The following SMIM13 variants were observed in gnomAD, a reference collection of about 807,000 sequenced individuals.
SMIM13 encodes UPF0766 protein C6orf228.
In SMIM13, 3 loss-of-function variants were observed where a neutral mutation model predicts 5.9. That is an observed-to-expected ratio of 0.51 (90% confidence interval 0.23 to 1.31). The LOEUF is 1.31. Ranked by LOEUF, SMIM13 falls within the 40% of genes most tolerant of loss-of-function variation. The pLI, the probability that SMIM13 is intolerant of heterozygous loss-of-function variation, is 0.18. For synonymous variants in SMIM13, 55 were observed against 46.0 expected (o/e 1.19, Z -0.79); for missense variants, 85 against 109.9 (o/e 0.77, Z 1.01).
rs572516125 is a variant in SMIM13 at position 11,129,533 on chromosome 6, T to C, written c.77-4870T>C. On this transcript the variant is annotated intron_variant, in intron 1 of 1. Coordinates refer to ENST00000416247, the MANE Select transcript of SMIM13 (RefSeq NM_001135575.2). ...CTTGAATATACTGATTTCCTTTCTTTTGGATGTATAAACCAACAGTAGAAC... is the reference window on the plus strand; with the variant it reads ...CTTGAATATACTGATTTCCTTTCTTCTGGATGTATAAACCAACAGTAGAAC... 5.9e-5 allele frequency among the ~76,000 whole-genome samples: 9 copies of C among 152,330 alleles called. 1 individual carries two copies. The South Asian group carries it at 1.2e-3, about 21-fold the overall frequency.
chr6:11,131,431 AGAT>A (rs1249872569), intron 1 of SMIM13, among the ~76,000 whole-genome samples: 3 of 151,914 alleles, frequency 2.0e-5, no homozygotes, highest in Non-Finnish European at 4.4e-5. Flanking sequence ...GAAATCGATA[AGAT>A]GATTCTAAAA....
chr6:11,106,741 C>G (rs1308589308), intron 1 of SMIM13, among the ~76,000 whole-genome samples: 3 of 152,200 alleles, frequency 2.0e-5, no homozygotes, highest in Non-Finnish European at 4.4e-5. Flanking sequence ...GTTAGCTAAC[C>G]TATTTCCCTA....
intron 1 of SMIM13, chr6:11,105,138 T>A: frequency 1.9e-6 from 3 of 1,614,236 alleles, no homozygotes; most frequent in Non-Finnish European, 2.5e-6. Context: ...CGAGGCTGGA[T>A]AAGCTGTCCC....
rs755618860 is a variant in SMIM13 at position 11,135,812 on chromosome 6, T to C, written c.*1210T>C. 2.6e-5 allele frequency: 4 copies of C among 152,270 alleles called. No individual in the cohort carries two copies. Among genetic ancestry groups the C allele is most frequent in the Admixed American group, 6.5e-5 (1 of 15,290 alleles). The allele number at this position is 152,270 out of a possible 1,614,324, so 9.4% of individuals were successfully genotyped here. Reference sequence around the variant, plus strand: ...CAATAAATATAAACATTTTCTGTGATATGAAAGCATTGTGTCATAGTTTAA... The same window carrying C: ...CAATAAATATAAACATTTTCTGTGACATGAAAGCATTGTGTCATAGTTTAA... On this transcript the variant is annotated 3_prime_UTR_variant, in exon 2 of 2. Transcript: ENST00000416247.
intron 1 of SMIM13, among the ~76,000 whole-genome samples, chr6:11,125,914 G>A (rs898654905): frequency 6.6e-6 from 1 of 152,004 alleles, no homozygotes; most frequent in Admixed American, 6.6e-5. Flanking sequence ...AATAAACTTT[G>A]TACCCTAATC....
At chr6:11,130,641 A>G (rs1329632131) in intron 1 of SMIM13, among the ~76,000 whole-genome samples, 1 of 152,090 alleles carries the variant, frequency 6.6e-6, no homozygotes, top group East Asian at 1.9e-4. Flanking sequence ...AATCCCTTAC[A>G]TTGGCTGCTG....
chr6:11,131,780 A>T (rs531073014), intron 1 of SMIM13, among the ~76,000 whole-genome samples: 1 of 152,294 alleles, frequency 6.6e-6, no homozygotes, highest in African/African-American at 2.4e-5. Context: ...ACAAAACTGG[A>T]TTGAAGACTT....
At position 11,093,914 on chromosome 6, in the gene SMIM13, G is replaced by A. The variant is rs1012553974; in HGVS notation, c.-400G>A. 2.0e-5 allele frequency: 3 copies of A among 152,438 alleles called. No individual in the cohort carries two copies. In the East Asian group the frequency reaches 5.8e-4, roughly 29 times the overall value. 9.4% of individuals were successfully genotyped at this position (152,438 alleles called of 1,614,324 possible). On this transcript the variant is annotated 5_prime_UTR_variant, in exon 1 of 2. Transcript: ENST00000416247. ...CTCAGAGACACGGGTGGACAGCGAC[G>A]AGGGCCTTGTGGCCGCCGTGTGTAC...
At chr6:11,100,009 C>T (rs1757970571) in intron 1 of SMIM13, among the ~76,000 whole-genome samples, 3 of 151,904 alleles carry the variant, frequency 2.0e-5, no homozygotes, top group Admixed American at 2.0e-4. Context: ...TACATAATTG[C>T]CTTTTTAGCT....
chr6:11,115,445 C>T (rs1274928590), intron 1 of SMIM13, among the ~76,000 whole-genome samples: 1 of 152,164 alleles, frequency 6.6e-6, no homozygotes, highest in African/African-American at 2.4e-5. Flanking sequence ...AGGTGGCTCA[C>T]CTCTTCATGC....
At chr6:11,095,666 A>C (rs1757914381) in intron 1 of SMIM13, among the ~76,000 whole-genome samples, 1 of 152,198 alleles carries the variant, frequency 6.6e-6, no homozygotes, top group Non-Finnish European at 1.5e-5. Context: ...ATGTATGTTT[A>C]AAATTTGTTG....
At chr6:11,134,239 A>G (rs1401795277) in intron 1 of SMIM13, among the ~76,000 whole-genome samples, 164 bp from the exon 2 acceptor site, 1 of 152,178 alleles carries the variant, frequency 6.6e-6, no homozygotes, top group East Asian at 1.9e-4. Context: ...CCCAGAGTTT[A>G]TCCTCATTCC....
At chr6:11,120,056 G>A (rs1467017685) in intron 1 of SMIM13, among the ~76,000 whole-genome samples, 7 of 152,182 alleles carry the variant, frequency 4.6e-5, no homozygotes, top group Admixed American at 4.6e-4. Flanking sequence ...AAGGTAATAA[G>A]ATTGAAAATG....
In SMIM13 at chr6:11,135,863, C is replaced by T. The variant is rs1005260194; in HGVS notation, c.*1261C>T. The T allele has an allele frequency of 6.6e-6, 1 of 152,170 alleles. No homozygotes were observed. Among genetic ancestry groups the T allele is most frequent in the Non-Finnish European group, 1.5e-5 (1 of 68,022 alleles). The allele number at this position is 152,170 out of a possible 1,614,324, so 9.4% of individuals were successfully genotyped here. ...TGGGCAGTGTTTTTTCTTAGTGATA[C>T]ATATGGTGCATCTTAACAATTGGTA... On this transcript the variant is annotated 3_prime_UTR_variant, in exon 2 of 2. Coordinates refer to ENST00000416247, the MANE Select transcript of SMIM13 (RefSeq NM_001135575.2).
chr6:11,105,523 T>A lies in SMIM13; in HGVS notation c.76+11134T>A, dbSNP rs1758072731. On this transcript the variant is annotated intron_variant, in intron 1 of 1. Transcript: ENST00000416247. ...TTTAGATCTTCCAGTGCCTTGCAAG[T>A]GTATTCCGGAGCTGAGGTTGCTGGT... 5.6e-6 allele frequency: 3 copies of A among 537,280 alleles called. No individual in the cohort carries two copies. The Admixed American group carries it at 9.8e-5, about 18-fold the overall frequency. The allele number at this position is 537,280 out of a possible 1,614,324, so 33.3% of individuals were successfully genotyped here. A position where few individuals can be genotyped will look rare whatever the true frequency, so the allele number is the denominator to read the frequency against.
intron 1 of SMIM13, among the ~76,000 whole-genome samples, chr6:11,106,716 C>G (rs1758088927): frequency 6.6e-6 from 1 of 152,192 alleles, no homozygotes; most frequent in Admixed American, 6.5e-5. Context: ...AGATGCCTGT[C>G]TCTTTAGCTG....
chr6:11,099,238 G>A lies in SMIM13; in HGVS notation c.76+4849G>A, dbSNP rs202068310. ...TCGCCAGGCTGGAGTACATTGGCGC[G>A]ATCTCGGCTCACTGCAACCTCCACC... On this transcript the variant is annotated intron_variant, in intron 1 of 1. Transcript: ENST00000416247. Among the ~76,000 whole-genome samples, 5 of 152,008 alleles carry A rather than the reference G, an allele frequency of 3.3e-5. No homozygotes were observed. In the East Asian group the frequency reaches 9.7e-4, roughly 29 times the overall value.
At chr6:11,117,152 G>A (rs1384746245) in intron 1 of SMIM13, among the ~76,000 whole-genome samples, 11 of 143,936 alleles carry the variant, frequency 7.6e-5, no homozygotes, top group Non-Finnish European at 1.5e-4. Flanking sequence ...CACCACGCCC[G>A]GCTAATTTTT....
chr6:11,123,365 G>A (rs1199481624), intron 1 of SMIM13, among the ~76,000 whole-genome samples: 3 of 152,158 alleles, frequency 2.0e-5, no homozygotes, highest in Non-Finnish European at 2.9e-5. Flanking sequence ...GTAGCTTTTA[G>A]TAAATTCCCC....
Sources: gnomAD v4.1 joint callset for allele counts (sites outside exome capture counted in the v4.1 genomes callset) on GRCh38, gnomAD v4.1.1 for gene constraint, MANE v1.5 for transcripts, NCBI Gene and HGNC (gene_info 2026-07-23, HGNC 2026-07-21) for gene names.